The following SORCS2 variants were observed in gnomAD, a reference collection of about 807,000 sequenced individuals.
SORCS2 encodes VPS10 domain-containing receptor SorCS2.
In SORCS2, 100 loss-of-function variants were observed where a neutral mutation model predicts 141.6. That is an observed-to-expected ratio of 0.71 (90% CI 0.60 to 0.83). The LOEUF is 0.83. Among genes scored for constraint, SORCS2 ranks in the 40% least tolerant of loss-of-function variants. The pLI is 0.00. For synonymous variants in SORCS2, 789 were observed against 676.9 expected, an observed-to-expected ratio of 1.17 and a Z score of -2.57; for missense variants, 1,646 against 1,560.2, an observed-to-expected ratio of 1.05 and a Z score of -0.93.
chr4:7,500,936 T>C (rs916338106), intron 2 of SORCS2, among the ~76,000 whole-genome samples: 3 of 152,204 alleles, frequency 2.0e-5, no homozygotes, highest in Non-Finnish European at 4.4e-5. Flanking sequence ...CCTGTGATTC[T>C]GCCGGGAGGT....
chr4:7,364,178 C>A (rs571400259), intron 1 of SORCS2, among the ~76,000 whole-genome samples: 1 of 152,212 alleles, frequency 6.6e-6, no homozygotes, highest in South Asian at 2.1e-4. Flanking sequence ...TTTGTGAAGC[C>A]ATATGCACAG....
intron 1 of SORCS2, among the ~76,000 whole-genome samples, chr4:7,266,216 C>T (rs969836764): frequency 1.3e-5 from 2 of 152,184 alleles, no homozygotes; most frequent in African/African-American, 2.4e-5. Flanking sequence ...TAGGGCTGTG[C>T]AGGCCAGCGG....
chr4:7,226,542 G>A (rs1024201339), intron 1 of SORCS2, among the ~76,000 whole-genome samples: 9 of 152,146 alleles, frequency 5.9e-5, no homozygotes, highest in South Asian at 2.1e-4. Context: ...AACAGGCGGC[G>A]GGCAGAGGGG....
intron 1 of SORCS2, among the ~76,000 whole-genome samples, chr4:7,224,558 A>C (rs1728891445): frequency 6.6e-6 from 1 of 152,190 alleles, no homozygotes; most frequent in Non-Finnish European, 1.5e-5. Flanking sequence ...ATTAGGTGCT[A>C]CACACTTTTA....
intron 6 of SORCS2, among the ~76,000 whole-genome samples, chr4:7,662,273 A>G (rs1722228109): frequency 8.3e-6 from 1 of 120,648 alleles, no homozygotes; most frequent in Non-Finnish European, 1.6e-5. Flanking sequence ...AGGCGGGGCC[A>G]GTGCTATTAC....
At chr4:7,662,309 C>T (rs1233926401) in intron 6 of SORCS2, among the ~76,000 whole-genome samples, 1 of 148,722 alleles carries the variant, frequency 6.7e-6, no homozygotes, top group African/African-American at 2.5e-5. Context: ...ACCAGGGCAA[C>T]AGCTCAGGGG....
chr4:7,291,350 G>A (rs1369334226), intron 1 of SORCS2, among the ~76,000 whole-genome samples: 1 of 152,172 alleles, frequency 6.6e-6, no homozygotes, highest in African/African-American at 2.4e-5. Flanking sequence ...ACGGAGCCTG[G>A]AGGAGTCCAC....
intron 1 of SORCS2, among the ~76,000 whole-genome samples, chr4:7,274,578 G>A (rs751485377): frequency 7.9e-5 from 12 of 152,094 alleles, no homozygotes; most frequent in Non-Finnish European, 1.3e-4. Context: ...CAACCAGATC[G>A]TATGAGAGCT....
At chr4:7,555,143 A>G (rs1231369012) in intron 3 of SORCS2, among the ~76,000 whole-genome samples, 11 of 152,226 alleles carry the variant, frequency 7.2e-5, no homozygotes, top group African/African-American at 2.4e-4. Context: ...AGACCTCTTC[A>G]GGGTAAACAC....
intron 18 of SORCS2, 114 bp from the exon 19 acceptor site, chr4:7,723,583 G>A (rs992471379): frequency 1.4e-5 from 17 of 1,224,284 alleles, no homozygotes; most frequent in Non-Finnish European, 1.9e-5. Context: ...CTCATGTCAA[G>A]GAAGGGAGGG....
At chr4:7,712,596 C>G in intron 14 of SORCS2, 137 bp from the exon 15 acceptor site, 1 of 1,320,876 alleles carries the variant, frequency 7.6e-7, no homozygotes, top group South Asian at 1.4e-5. Context: ...TCGCTCTGAT[C>G]TCCAGCAAGG....
In SORCS2 at chr4:7,709,645, G is replaced by A. The variant is rs556011155; in HGVS notation, c.1869-3088G>A. On this transcript the variant is annotated intron_variant, in intron 14 of 26. Coordinates refer to ENST00000507866, the MANE Select transcript of SORCS2 (RefSeq NM_020777.3). ...AGTCCCTCTGCAGGGGTCTGTACGG[G>A]AGCTGCCCTGCCGGAGAGTTCCCAC... 4.6e-5 allele frequency among the ~76,000 whole-genome samples: 7 copies of A among 152,314 alleles called. No individual in the cohort carries two copies. The South Asian group carries it at 1.5e-3, about 32-fold the overall frequency.
At chr4:7,256,174 C>T (rs1241073131) in intron 1 of SORCS2, among the ~76,000 whole-genome samples, 3 of 152,256 alleles carry the variant, frequency 2.0e-5, no homozygotes, top group Admixed American at 6.5e-5. Context: ...AAGAACAGCC[C>T]TGGGGCAGGG....
chr4:7,236,276 G>C (rs1243678623), intron 1 of SORCS2, among the ~76,000 whole-genome samples: 1 of 152,220 alleles, frequency 6.6e-6, no homozygotes, highest in Non-Finnish European at 1.5e-5. Flanking sequence ...ACTTTTGAGA[G>C]ATTCTGGGAG....
intron 5 of SORCS2, among the ~76,000 whole-genome samples, chr4:7,655,293 C>G (rs1451053417): frequency 6.6e-6 from 1 of 152,170 alleles, no homozygotes; most frequent in Non-Finnish European, 1.5e-5. Context: ...CCTGCGCAGG[C>G]CACAGCCTGG....
At chr4:7,266,521 T>C (rs1045422215) in intron 1 of SORCS2, among the ~76,000 whole-genome samples, 6 of 152,338 alleles carry the variant, frequency 3.9e-5, no homozygotes, top group Admixed American at 3.3e-4. Context: ...TGAAGATCAT[T>C]TGGGAACAGT....
At chr4:7,297,921 G>A (rs750912109) in intron 1 of SORCS2, among the ~76,000 whole-genome samples, 1 of 152,246 alleles carries the variant, frequency 6.6e-6, no homozygotes, top group Non-Finnish European at 1.5e-5. Context: ...AGAATCTGTG[G>A]AGCCGAGACT....
intron 12 of SORCS2, among the ~76,000 whole-genome samples, chr4:7,699,170 T>C (rs772736246): frequency 9.2e-5 from 14 of 151,614 alleles, no homozygotes; most frequent in South Asian, 4.2e-4. Context: ...AGGAAAAGGG[T>C]GAAGTGGGGA....
Position 7,682,822 on chromosome 4 carries a change from G to C in SORCS2, c.1421G>C (p.Gly474Ala), listed in dbSNP as rs763413412. 2.5e-6 allele frequency: 4 copies of C among 1,613,026 alleles called. 1 individual carries two copies. The highest frequency in any genetic ancestry group is 2.2e-5 in the South Asian group (2 of 90,750). ...ATGACGCTTATAACCTACAACAAGG[G>C]CCGCGACTGGGATTACCTGAGGCCA... ...KVMTLITYNK[G>A]RDWDYLRPPS... The change falls in exon 10 of 27, where the codon GGC becomes GCC. Residue 474 changes from glycine to alanine, a missense_variant. Transcript: ENST00000507866.
Sources: gnomAD v4.1 joint callset for allele counts (sites outside exome capture counted in the v4.1 genomes callset) on GRCh38, gnomAD v4.1.1 for gene constraint, MANE v1.5 for transcripts, NCBI Gene and HGNC (gene_info 2026-07-23, HGNC 2026-07-21) for gene names.